The following ATRNL1 variants were observed in gnomAD, a reference collection of about 807,000 sequenced individuals.
ATRNL1 encodes the protein attractin-like protein 1.
Under a neutral mutation model 182.7 loss-of-function variants are expected in ATRNL1, and 95 were observed. The ratio of observed to expected loss-of-function variants is 0.52; its 90% CI spans 0.44 to 0.62. The LOEUF is 0.62. ATRNL1 is among the 20% of genes least tolerant of loss of function. ATRNL1 has a pLI of 0.00. For missense variants in ATRNL1, 1,471 were observed against 1,679.5 expected (o/e 0.88, Z 2.17); for synonymous variants, 576 against 568.3 (o/e 1.01, Z -0.19).
intron 27 of ATRNL1, among the ~76,000 whole-genome samples, chr10:115,835,367 A>G (rs183252802): frequency 1.1e-4 from 16 of 152,334 alleles, no homozygotes; most frequent in African/African-American, 3.8e-4. Flanking sequence ...ATGCTTACTC[A>G]GTTCTTTAAA....
intron 28 of ATRNL1, among the ~76,000 whole-genome samples, chr10:115,904,403 C>A (rs1952440966): frequency 6.6e-6 from 1 of 152,282 alleles, no homozygotes; most frequent in African/African-American, 2.4e-5. Flanking sequence ...GGCTGTTGCC[C>A]TCAGAAGAGA....
intron 28 of ATRNL1, among the ~76,000 whole-genome samples, chr10:115,860,562 A>G (rs1555103267): frequency 6.6e-6 from 1 of 152,184 alleles, no homozygotes; most frequent in Admixed American, 6.5e-5. Context: ...ATAATTTGGT[A>G]TTACTCTATT....
At chr10:115,773,289 A>G (rs2134171107) in intron 27 of ATRNL1, among the ~76,000 whole-genome samples, 1 of 152,306 alleles carries the variant, frequency 6.6e-6, no homozygotes, top group East Asian at 1.9e-4. Context: ...CATTGAGTTC[A>G]TTCCTCAGTT....
chr10:115,403,643 T>A (rs1844686757), intron 20 of ATRNL1, among the ~76,000 whole-genome samples: 1 of 152,046 alleles, frequency 6.6e-6, no homozygotes, highest in African/African-American at 2.4e-5. Flanking sequence ...TTATGAGAGA[T>A]GGGGTTTCAT....
chr10:115,165,475 A>G (rs1237376100), intron 6 of ATRNL1, 83 bp from the exon 7 acceptor site: 1 of 618,054 alleles, frequency 1.6e-6, no homozygotes, highest in Non-Finnish European at 2.7e-6. Flanking sequence ...ATACTTGGAC[A>G]CAAGTGAATA....
At chr10:115,537,925 A>G (rs1554990984) in intron 25 of ATRNL1, among the ~76,000 whole-genome samples, 2 of 152,132 alleles carry the variant, frequency 1.3e-5, no homozygotes, top group African/African-American at 4.8e-5. Context: ...CATTGACCTG[A>G]TCTCTGTTCT....
intron 26 of ATRNL1, among the ~76,000 whole-genome samples, chr10:115,562,156 G>T (rs1853797152): frequency 1.3e-5 from 2 of 152,128 alleles, no homozygotes. Context: ...CAAATAAAAG[G>T]TGATATATGT....
At position 115,661,147 on chromosome 10, in the gene ATRNL1, T is replaced by C. The variant is rs576118606; in HGVS notation, c.3796-66101T>C. On this transcript the variant is annotated intron_variant, in intron 26 of 28. Transcript: ENST00000355044. ...ACTGGGATCTTCTATATTTTAGTTT[T>C]AGGAAAAAGGAATAATAGCTTGCTA... Among the ~76,000 whole-genome samples the C allele has an allele frequency of 2.0e-5, 3 of 152,202 alleles. No homozygotes were observed. In the East Asian group the frequency reaches 5.8e-4, roughly 29 times the overall value.
chr10:115,424,838 G>A (rs1405018497), intron 20 of ATRNL1, among the ~76,000 whole-genome samples: 1 of 152,012 alleles, frequency 6.6e-6, no homozygotes. Context: ...GGAGAGATTG[G>A]TCAATTTATA....
intron 19 of ATRNL1, among the ~76,000 whole-genome samples, chr10:115,371,070 G>A (rs996097107): frequency 1.8e-4 from 27 of 152,182 alleles, no homozygotes; most frequent in Admixed American, 3.9e-4. Context: ...CTTTCATGTG[G>A]TATTGAGCCT....
chr10:115,760,798 G>T (rs1948716259), intron 27 of ATRNL1, among the ~76,000 whole-genome samples: 1 of 152,188 alleles, frequency 6.6e-6, no homozygotes, highest in Non-Finnish European at 1.5e-5. Flanking sequence ...TACCAGCAGA[G>T]CATGAAAATG....
At chr10:115,898,611 C>T (rs1421272807) in intron 28 of ATRNL1, among the ~76,000 whole-genome samples, 1 of 152,188 alleles carries the variant, frequency 6.6e-6, no homozygotes, top group African/African-American at 2.4e-5. Flanking sequence ...GTGACACACA[C>T]CTTGTCTAGG....
chr10:115,732,738 G>A (rs1947836458), intron 27 of ATRNL1, among the ~76,000 whole-genome samples: 1 of 152,044 alleles, frequency 6.6e-6, no homozygotes, highest in Non-Finnish European at 1.5e-5. Context: ...TTCCCACATT[G>A]CTTTTTATAT....
chr10:115,639,242 TC>T (rs1859079600), intron 26 of ATRNL1, among the ~76,000 whole-genome samples: 1 of 152,226 alleles, frequency 6.6e-6, no homozygotes, highest in Admixed American at 6.5e-5. Context: ...TGGCATAATT[TC>T]CAAGTGCTAT....
intron 5 of ATRNL1, among the ~76,000 whole-genome samples, chr10:115,136,392 A>G (rs1329945179): frequency 1.3e-5 from 2 of 152,164 alleles, no homozygotes; most frequent in African/African-American, 4.8e-5. Context: ...CATTATCAGT[A>G]TCTCCCACCA....
chr10:115,129,949 T>A (rs1592140339), intron 5 of ATRNL1, among the ~76,000 whole-genome samples: 1 of 152,186 alleles, frequency 6.6e-6, no homozygotes, highest in Non-Finnish European at 1.5e-5. Flanking sequence ...ATATGAAACT[T>A]ATTTCTTAGG....
At chr10:115,440,501 C>A (rs1846618337) in intron 21 of ATRNL1, among the ~76,000 whole-genome samples, 1 of 151,840 alleles carries the variant, frequency 6.6e-6, no homozygotes, top group Non-Finnish European at 1.5e-5. Context: ...TCACTAAGTA[C>A]CAATGCCATA....
chr10:115,358,886 T>C (rs1350968677), intron 19 of ATRNL1, among the ~76,000 whole-genome samples: 4 of 151,712 alleles, frequency 2.6e-5, no homozygotes, highest in Non-Finnish European at 5.9e-5. Flanking sequence ...TAGCCTTGAC[T>C]GTTACATTAG....
At chr10:115,433,859 T>TA (rs1202144067) in intron 21 of ATRNL1, among the ~76,000 whole-genome samples, 3 of 152,078 alleles carry the variant, frequency 2.0e-5, no homozygotes, top group Non-Finnish European at 4.4e-5. Flanking sequence ...TAAAAAATAA[T>TA]AAAAAAGTTT....
Sources: gnomAD v4.1 joint callset for allele counts (sites outside exome capture counted in the v4.1 genomes callset) on GRCh38, gnomAD v4.1.1 for gene constraint, MANE v1.5 for transcripts, NCBI Gene and HGNC (gene_info 2026-07-23, HGNC 2026-07-21) for gene names.